PACC1: variants seen among roughly 807,000 people sequenced by gnomAD.
The protein encoded by PACC1 is proton-activated chloride channel.
A neutral mutation model predicts 39.7 loss-of-function variants in PACC1; 34 were observed. That is an observed-to-expected ratio of 0.86 (90% confidence interval 0.65 to 1.14). The LOEUF is 1.14. Among genes scored for constraint, PACC1 ranks in the 50% most tolerant of loss-of-function variants. The pLI is 0.00. For synonymous variants in PACC1, 127 were observed against 160.6 expected (o/e 0.79, Z 1.58); for missense variants, 379 against 436.4 (o/e 0.87, Z 1.17).
At chr1:212,410,886 T>C (rs1438403287) in intron 1 of PACC1, among the ~76,000 whole-genome samples, 2 of 152,224 alleles carry the variant, frequency 1.3e-5, no homozygotes, top group East Asian at 1.9e-4. Flanking sequence ...TGGCTTCTGG[T>C]GACAGCCAGC....
intron 2 of PACC1, 103 bp from the exon 3 acceptor site, chr1:212,387,203 A>C: frequency 8.8e-7 from 1 of 1,135,562 alleles, no homozygotes; most frequent in Non-Finnish European, 1.3e-6. Flanking sequence ...AAGGAGGTGA[A>C]GTCACCTGCA....
chr1:212,373,518 G>A lies in PACC1; in HGVS notation c.891+1675C>T, dbSNP rs567250493. Among the ~76,000 whole-genome samples, 6 of 152,254 alleles carry A rather than the reference G, an allele frequency of 3.9e-5. No homozygotes were observed. The East Asian group carries it at 1.2e-3, about 29-fold the overall frequency. On this transcript the variant is annotated intron_variant, in intron 7 of 7. Transcript: ENST00000261455. Reference sequence around the variant, plus strand: ...AAATGGGATTACATTAAGCTAAAAAGCTTCTGTACAGCAAAGGAAACAATC... The same window carrying A: ...AAATGGGATTACATTAAGCTAAAAAACTTCTGTACAGCAAAGGAAACAATC...
chr1:212,379,576 G>C (rs977410010), intron 5 of PACC1, among the ~76,000 whole-genome samples: 2 of 152,274 alleles, frequency 1.3e-5, no homozygotes, highest in African/African-American at 4.8e-5. Context: ...GCTCTCAAAG[G>C]GACTTACAAA....
rs201675213 is a variant in PACC1, at chr1:212,375,254, CT to C, written c.829del (p.Ser277ValfsTer22). On this transcript the variant is annotated frameshift_variant, in exon 7 of 8. Transcript: ENST00000261455. LOFTEE classifies it high-confidence loss of function. The stretch of plus-strand genomic sequence containing the variant: ...AAAGACCACAAAAAACAATTGAGCA[CT>C]TTTTTTGGCAGCTGGCCTCTGGTCA... ...YIDQRPAAKK[S>X]AQLFFVVFEW... 6.2e-7 allele frequency: 1 copy of C among 1,613,890 alleles called. No individual in the cohort carries two copies. Among genetic ancestry groups the C allele is most frequent in the Non-Finnish European group, 8.5e-7 (1 of 1,179,840 alleles).
intron 2 of PACC1, among the ~76,000 whole-genome samples, chr1:212,390,436 A>G (rs1272442499): frequency 6.6e-6 from 1 of 151,784 alleles, no homozygotes; most frequent in African/African-American, 2.4e-5. Flanking sequence ...AAAGAAAAAA[A>G]AAAAAAAAAA....
rs1323991092 is a variant in PACC1 at position 212,365,282 on chromosome 1, T to G, written c.986A>C (p.Lys329Thr). 1 of 1,613,838 alleles carries G rather than the reference T, an allele frequency of 6.2e-7. No homozygotes were observed. ...KAAEFAKLSIKWMIKIRKRYL... is the reference protein window; with the variant it reads ...KAAEFAKLSITWMIKIRKRYL... ...TCTCTTTCTAATTTTGATCATCCAT[T>G]TTATACTCAGTTTGGCAAACTCTGC... Residue 329 changes from lysine (K) to threonine (T), a missense_variant, in exon 8 of 8, where the codon AAA (lysine) becomes ACA (threonine). Physicochemically the swap from Lys to Thr is moderately conservative, Grantham distance 78. Transcript: ENST00000261455.
chr1:212,377,589 C>T lies in PACC1; in HGVS notation c.756G>A (p.Gly252=), dbSNP rs964785934. The T allele has an allele frequency of 1.3e-5, 21 of 1,614,086 alleles. No homozygotes were observed. Among genetic ancestry groups the T allele is most frequent in the Non-Finnish European group, 1.8e-5 (21 of 1,180,032 alleles). The change falls in exon 6 of 8, where the codon GGG becomes GGA. Residue 252 remains glycine, a synonymous_variant. Coordinates refer to ENST00000261455, the MANE Select transcript of PACC1 (RefSeq NM_018252.3). ...CCTGCCGGAACTCCACTGCTTCCCG[C>T]CCATCCTCCTCCTTGGTCTTTACCA... ...MSLVKTKEED[G]REAVEFRQET...
At chr1:212,365,466 T>C in intron 7 of PACC1, 90 bp from the exon 8 acceptor site, 1 of 1,369,116 alleles carries the variant, frequency 7.3e-7, no homozygotes, top group Non-Finnish European at 9.8e-7. Flanking sequence ...AGTTTCGCTC[T>C]TGTCACCCAG....
intron 2 of PACC1, 26 bp downstream of exon 2, chr1:212,410,399 C>G (rs1662078767): frequency 6.2e-7 from 1 of 1,604,848 alleles, no homozygotes; most frequent in Non-Finnish European, 8.5e-7. Flanking sequence ...GCAGCAACAG[C>G]ACAGCAAAGC....
At chr1:212,369,511 T>C (rs1016672114) in intron 7 of PACC1, among the ~76,000 whole-genome samples, 1 of 152,216 alleles carries the variant, frequency 6.6e-6, no homozygotes, top group African/African-American at 2.4e-5. Context: ...CCAGGCGTGA[T>C]GGCTTATGCC....
intron 7 of PACC1, among the ~76,000 whole-genome samples, chr1:212,365,670 G>A (rs1287409369): frequency 1.3e-5 from 2 of 151,746 alleles, no homozygotes; most frequent in Non-Finnish European, 2.9e-5. Context: ...AAAATACCTG[G>A]GTTCTGAAAC....
intron 2 of PACC1, among the ~76,000 whole-genome samples, chr1:212,408,107 TAGTAGAGAG>T (rs1044426043): frequency 1.3e-5 from 2 of 149,558 alleles, no homozygotes; most frequent in African/African-American, 4.9e-5. Context: ...ACCACTGGTG[TAGTAGAGAG>T]AGTTTAGGGT....
rs1660154086 is a variant in PACC1 at position 212,364,251 on chromosome 1, A to G, written c.*964T>C. The G allele has an allele frequency of 6.6e-6, 1 of 152,136 alleles. No homozygotes were observed. Among genetic ancestry groups the G allele is most frequent in the Non-Finnish European group, 1.5e-5 (1 of 68,020 alleles). 9.4% of individuals were successfully genotyped at this position (152,136 alleles called of 1,614,324 possible). On this transcript the variant is annotated 3_prime_UTR_variant, in exon 8 of 8. Coordinates refer to ENST00000261455, the MANE Select transcript of PACC1 (RefSeq NM_018252.3). ...GATGGGTAGTTTTGTGGACACAGTA[A>G]AGAGTTAACCCAGCTTCCTCGGGGA... is the stretch of plus-strand genomic sequence containing the variant.
At chr1:212,394,354 G>A (rs2102516030) in intron 2 of PACC1, among the ~76,000 whole-genome samples, 1 of 152,318 alleles carries the variant, frequency 6.6e-6, no homozygotes, top group African/African-American at 2.4e-5. Flanking sequence ...TATCTCAATA[G>A]ATGCAGAAAA....
At chr1:212,370,791 C>T (rs1243546580) in intron 7 of PACC1, among the ~76,000 whole-genome samples, 4 of 151,992 alleles carry the variant, frequency 2.6e-5, no homozygotes, top group Non-Finnish European at 4.4e-5. Context: ...ACAGCAAAAG[C>T]AGTACTAAGA....
intron 4 of PACC1, among the ~76,000 whole-genome samples, chr1:212,382,785 G>A (rs552254134): frequency 2.6e-5 from 4 of 152,178 alleles, no homozygotes; most frequent in Admixed American, 6.5e-5. Context: ...CAGGGAGGGC[G>A]TATTTTCTAA....
chr1:212,386,716 C>T lies in PACC1; in HGVS notation c.343+175G>A, dbSNP rs747337716. Among the ~76,000 whole-genome samples the T allele has an allele frequency of 6.6e-6, 1 of 150,580 alleles. No individual in the cohort carries two copies. The highest frequency in any genetic ancestry group is 6.7e-5 in the Admixed American group (1 of 15,028). On this transcript the variant is annotated intron_variant, in intron 3 of 7. Coordinates refer to ENST00000261455, the MANE Select transcript of PACC1 (RefSeq NM_018252.3). The surrounding 1 kb of genome is among the most constrained non-coding windows in gnomAD (Gnocchi z 5.0). ...GCTCTGTCCATTTCTGTCCTCAGCA[C>T]GTAACACACTCCCAACAGCAGCTCC...
chr1:212,398,426 T>C (rs1661598097), intron 2 of PACC1, among the ~76,000 whole-genome samples: 2 of 152,208 alleles, frequency 1.3e-5, no homozygotes, highest in Admixed American at 1.3e-4. Flanking sequence ...TTCCTTGCTG[T>C]TTTTTGGCAA....
intron 1 of PACC1, among the ~76,000 whole-genome samples, chr1:212,410,867 C>A (rs1418461113): frequency 6.6e-6 from 1 of 152,186 alleles, no homozygotes; most frequent in Non-Finnish European, 1.5e-5. Context: ...CTGTTCCATG[C>A]CTCTCTCCTG....
Sources: allele counts gnomAD v4.1 joint callset (sites outside exome capture counted in the v4.1 genomes callset), GRCh38; gene constraint gnomAD v4.1.1; non-coding constraint Gnocchi (gnomAD v3.1); transcripts MANE v1.5; gene names NCBI Gene and HGNC (gene_info 2026-07-23, HGNC 2026-07-21).